MAP4K5: variants seen among roughly 807,000 people sequenced by gnomAD.
MAP4K5 encodes MAPK/ERK kinase kinase kinase 5.
MAP4K5 carries 82 observed loss-of-function variants against 135.6 expected under a neutral mutation model. The ratio of observed to expected loss-of-function variants is 0.60; its 90% confidence interval spans 0.51 to 0.73. The LOEUF (loss-of-function observed/expected upper bound fraction) is 0.73, where lower values mean the gene tolerates loss of function less well. Ranked by LOEUF, MAP4K5 falls within the 30% of genes least tolerant of loss-of-function variation. The pLI, the probability that MAP4K5 is intolerant of heterozygous loss-of-function variation, is 0.00. For missense variants in MAP4K5, 907 were observed against 1,010.9 expected (o/e 0.90, Z 1.39); for synonymous variants, 347 against 335.0 (o/e 1.04, Z -0.39).
chr14:50,556,447 G>T (rs1376409641), intron 1 of MAP4K5, among the ~76,000 whole-genome samples: 1 of 151,940 alleles, frequency 6.6e-6, no homozygotes, highest in Non-Finnish European at 1.5e-5. Flanking sequence ...CGAACTCCTG[G>T]CCTCAAGTGA....
chr14:50,478,097 G>A (rs1440624460), intron 6 of MAP4K5, among the ~76,000 whole-genome samples: 2 of 152,060 alleles, frequency 1.3e-5, no homozygotes, highest in Non-Finnish European at 2.9e-5. Context: ...AGTTTTCTTT[G>A]TGAGAATACA....
intron 28 of MAP4K5, among the ~76,000 whole-genome samples, chr14:50,433,908 C>A (rs1056586241): frequency 2.6e-5 from 4 of 152,076 alleles, no homozygotes; most frequent in Admixed American, 2.6e-4. Flanking sequence ...AATAAACTTC[C>A]CATTTTTTTC....
At chr14:50,513,144 A>G (rs1390037264) in intron 2 of MAP4K5, among the ~76,000 whole-genome samples, 1 of 152,224 alleles carries the variant, frequency 6.6e-6, no homozygotes, top group South Asian at 2.1e-4. Flanking sequence ...GAATGGAATC[A>G]ATATCACTAT....
At chr14:50,434,144 G>A (rs941840013) in intron 28 of MAP4K5, among the ~76,000 whole-genome samples, 3 of 152,068 alleles carry the variant, frequency 2.0e-5, no homozygotes, top group Admixed American at 6.6e-5. Context: ...AAGATTCACT[G>A]GTAAGAACTA....
rs528091821 is a variant in MAP4K5 at position 50,435,660 on chromosome 14, G to A, written c.1883-595C>T. Reference sequence around the variant, plus strand: ...AAAGTTGTTTCTTAGTAAACTCAAAGAATGAGTTCTGACAAGGTCTAGGAG... The same window carrying A: ...AAAGTTGTTTCTTAGTAAACTCAAAAAATGAGTTCTGACAAGGTCTAGGAG... On this transcript the variant is annotated intron_variant, in intron 26 of 32. Transcript: ENST00000682126. Among the ~76,000 whole-genome samples the A allele has an allele frequency of 2.0e-5, 3 of 151,950 alleles. No individual in the cohort carries two copies. In the South Asian group the frequency reaches 6.2e-4, roughly 32 times the overall value.
chr14:50,544,988 C>T (rs2038612787), intron 1 of MAP4K5, among the ~76,000 whole-genome samples: 1 of 151,338 alleles, frequency 6.6e-6, no homozygotes, highest in African/African-American at 2.4e-5. Flanking sequence ...GTAACAGGTC[C>T]CTCACCAGAT....
chr14:50,536,404 C>T (rs142561331), upstream of MAP4K5, among the ~76,000 whole-genome samples: 594 of 148,336 alleles, frequency 4.0e-3, 1 homozygote, highest in African/African-American at 0.014. Flanking sequence ...CCATTGCACT[C>T]CAGCCTGGGC....
chr14:50,481,040 G>A (rs761488779), intron 6 of MAP4K5, among the ~76,000 whole-genome samples: 2 of 151,160 alleles, frequency 1.3e-5, no homozygotes, highest in Non-Finnish European at 2.9e-5. Flanking sequence ...ACATACCAGC[G>A]CCAGAGTGCA....
chr14:50,499,722 T>C (rs958065091), intron 3 of MAP4K5, among the ~76,000 whole-genome samples: 1 of 150,010 alleles, frequency 6.7e-6, no homozygotes, highest in African/African-American at 2.4e-5. Flanking sequence ...AGTAATGAAA[T>C]AAATTCAAGA....
intron 32 of MAP4K5, 79 bp from the exon 33 acceptor site, chr14:50,420,185 A>C (rs2035693836): frequency 2.6e-6 from 2 of 782,684 alleles, no homozygotes; most frequent in South Asian, 1.5e-5. Flanking sequence ...ACTAGGAAAG[A>C]ATATCATTGT....
intron 2 of MAP4K5, among the ~76,000 whole-genome samples, chr14:50,509,892 C>T (rs2140041520): frequency 6.6e-6 from 1 of 152,182 alleles, no homozygotes; most frequent in East Asian, 1.9e-4. Context: ...TATAAGTTTA[C>T]AAATTGAGAA....
In MAP4K5 at chr14:50,546,485, A is replaced by G. The variant is rs149391296; in HGVS notation, c.-179-3901T>C. ...CAACTTGGCTTATAAGTAAATGAGT[A>G]CTCACACATTAAGGTAAAGTCAAGT... On this transcript the variant is annotated intron_variant, in intron 1 of 8. Transcript: ENST00000555216. Among the ~76,000 whole-genome samples, 402 of 152,292 alleles carry G rather than the reference A, an allele frequency of 2.6e-3. 2 individuals are homozygous for G. Among genetic ancestry groups the G allele is most frequent in the African/African-American group, 9.1e-3 (376 of 41,546 alleles).
At chr14:50,543,901 T>C (rs2038596210) in intron 1 of MAP4K5, among the ~76,000 whole-genome samples, 1 of 152,228 alleles carries the variant, frequency 6.6e-6, no homozygotes, top group African/African-American at 2.4e-5. Context: ...TTTCCCCAGA[T>C]GACATGGTCA....
intron 13 of MAP4K5, among the ~76,000 whole-genome samples, chr14:50,457,676 C>T (rs2036620735): frequency 6.6e-6 from 1 of 152,058 alleles, no homozygotes; most frequent in African/African-American, 2.4e-5. Context: ...CATCTTGGAC[C>T]CTGTCATCAA....
At chr14:50,514,211 G>C (rs1023842125) in intron 2 of MAP4K5, among the ~76,000 whole-genome samples, 2 of 151,190 alleles carry the variant, frequency 1.3e-5, no homozygotes, top group Non-Finnish European at 2.9e-5. Flanking sequence ...CTGAGTAGCC[G>C]GGACTAAGGC....
chr14:50,529,284 G>A (rs1359840196), intron 2 of MAP4K5, among the ~76,000 whole-genome samples: 1 of 152,096 alleles, frequency 6.6e-6, no homozygotes, highest in Non-Finnish European at 1.5e-5. Context: ...CTACTTGGGG[G>A]GCTGAGGTGG....
At chr14:50,472,493 A>G (rs1795983910) in intron 9 of MAP4K5, 1 of 152,168 alleles carries the variant, frequency 6.6e-6, no homozygotes, top group South Asian at 2.1e-4. Flanking sequence ...CTGAAGAAAA[A>G]CCTATGAATG....
intron 13 of MAP4K5, chr14:50,456,842 AG>A: frequency 2.7e-6 from 1 of 370,812 alleles, no homozygotes; most frequent in Non-Finnish European, 4.8e-6. Context: ...CTTACAGTCT[AG>A]GAAGATAAGA....
At chr14:50,455,331 GAGAA>G (rs2036576081) in intron 14 of MAP4K5, among the ~76,000 whole-genome samples, 1 of 151,874 alleles carries the variant, frequency 6.6e-6, no homozygotes, top group Non-Finnish European at 1.5e-5. Context: ...AAAACTATAC[GAGAA>G]AAGATAGATA....
Sources: gnomAD v4.1 joint callset for allele counts (sites outside exome capture counted in the v4.1 genomes callset) on GRCh38, gnomAD v4.1.1 for gene constraint, MANE v1.5 for transcripts, NCBI Gene and HGNC (gene_info 2026-07-23, HGNC 2026-07-21) for gene names.